The following NCKAP5 variants were observed in gnomAD, a reference collection of about 807,000 sequenced individuals.
NCKAP5 encodes the protein NCK associated protein 5, also known as nck-associated protein 5.
NCKAP5 carries 92 observed loss-of-function variants against 167.0 expected under a neutral mutation model. The ratio of observed to expected loss-of-function variants is 0.55; its 90% CI spans 0.47 to 0.66. The LOEUF is 0.66. NCKAP5 is among the 30% of genes least tolerant of loss of function. The pLI is 0.00. For synonymous variants in NCKAP5, 891 were observed against 877.4 expected, an observed-to-expected ratio of 1.02 and a Z score of -0.27; for missense variants, 2,378 against 2,315.0, an observed-to-expected ratio of 1.03 and a Z score of -0.56.
At chr2:132,934,771 G>C (rs904982652) in intron 8 of NCKAP5, among the ~76,000 whole-genome samples, 3 of 152,202 alleles carry the variant, frequency 2.0e-5, no homozygotes, top group African/African-American at 4.8e-5. Context: ...ACAAGAAGTT[G>C]TAAATGTTAC....
intron 3 of NCKAP5, among the ~76,000 whole-genome samples, chr2:133,375,854 T>C (rs570668055): frequency 6.6e-6 from 1 of 152,338 alleles, no homozygotes; most frequent in Admixed American, 6.5e-5. Flanking sequence ...CTGATGAACA[T>C]TGATGAAGCC....
intron 3 of NCKAP5, among the ~76,000 whole-genome samples, chr2:133,463,389 T>C (rs1692323828): frequency 1.3e-5 from 2 of 152,208 alleles, no homozygotes; most frequent in South Asian, 2.1e-4. Flanking sequence ...AATAGTGTTT[T>C]TGAAGAAAAA....
chr2:133,502,841 A>G (rs1282409618), intron 3 of NCKAP5, among the ~76,000 whole-genome samples: 1 of 152,250 alleles, frequency 6.6e-6, no homozygotes, highest in Non-Finnish European at 1.5e-5. Context: ...GAAAGAATGA[A>G]TGAATGAATG....
chr2:133,497,015 T>C (rs1378709268), intron 3 of NCKAP5, among the ~76,000 whole-genome samples: 2 of 152,232 alleles, frequency 1.3e-5, no homozygotes, highest in African/African-American at 4.8e-5. Context: ...GCACTTACTG[T>C]CAGCACAACC....
intron 3 of NCKAP5, among the ~76,000 whole-genome samples, chr2:133,371,889 A>G (rs1293157568): frequency 6.6e-6 from 1 of 152,060 alleles, no homozygotes; most frequent in Non-Finnish European, 1.5e-5. Flanking sequence ...ACATTTTCTA[A>G]TCAAGGATTC....
chr2:132,875,704 T>C (rs1691211085), intron 9 of NCKAP5, among the ~76,000 whole-genome samples: 1 of 152,214 alleles, frequency 6.6e-6, no homozygotes, highest in South Asian at 2.1e-4. Context: ...CACCACTAAG[T>C]GTCTGTCAAA....
chr2:133,385,515 T>G lies in NCKAP5; in HGVS notation c.70-82405A>C, dbSNP rs540744950. Among the ~76,000 whole-genome samples the G allele has an allele frequency of 2.1e-4, 32 of 152,304 alleles. 1 individual carries two copies. In the East Asian group the frequency reaches 5.6e-3, roughly 27 times the overall value. ...ATATTGGTCTAAAATTCTCTTTTTT[T>G]GTTGTGTCTCTGCCAGGCCTGGGTA... is the stretch of plus-strand genomic sequence containing the variant. On this transcript the variant is annotated intron_variant, in intron 3 of 19. Coordinates refer to ENST00000409261, the MANE Select transcript of NCKAP5 (RefSeq NM_207363.3).
intron 6 of NCKAP5, among the ~76,000 whole-genome samples, chr2:133,000,137 C>T (rs72842406): frequency 0.013 from 2,006 of 152,178 alleles, 26 homozygotes; most frequent in Non-Finnish European, 0.018. Context: ...CCTTTGATTC[C>T]CCCATGCCAT....
In NCKAP5 at chr2:133,303,119, G is replaced by A; in HGVS notation, c.70-9C>T. On this transcript the variant is annotated splice_polypyrimidine_tract_variant and intron_variant, in intron 3 of 19. Transcript: ENST00000409261. The stretch of plus-strand genomic sequence containing the variant: ...TTGGAGTCCATGTATTCCTGCACAA[G>A]CAGACAAAGACAGATGAAAACTCAC... 1 of 1,573,512 alleles carries A rather than the reference G, an allele frequency of 6.4e-7. No individual in the cohort carries two copies. The highest frequency in any genetic ancestry group is 8.6e-7 in the Non-Finnish European group (1 of 1,157,368).
intron 3 of NCKAP5, among the ~76,000 whole-genome samples, chr2:133,375,476 AT>A (rs1325547503): frequency 7.0e-4 from 106 of 152,300 alleles, no homozygotes; most frequent in Middle Eastern, 3.4e-3. Context: ...TGAAGGATGT[AT>A]AGGTTTGTTA....
intron 3 of NCKAP5, among the ~76,000 whole-genome samples, chr2:133,506,399 C>T (rs1418216381): frequency 6.6e-6 from 1 of 152,188 alleles, no homozygotes; most frequent in Admixed American, 6.5e-5. Context: ...CTCGTTTGGC[C>T]TCTCCAAATC....
At chr2:133,193,008 A>G (rs1045260746) in intron 5 of NCKAP5, among the ~76,000 whole-genome samples, 1 of 152,156 alleles carries the variant, frequency 6.6e-6, no homozygotes, top group African/African-American at 2.4e-5. Context: ...ATGTCTTTCA[A>G]TAAGTAAATG....
intron 4 of NCKAP5, among the ~76,000 whole-genome samples, chr2:133,223,240 T>C (rs1268203681): frequency 6.6e-6 from 1 of 152,166 alleles, no homozygotes; most frequent in African/African-American, 2.4e-5. Flanking sequence ...TACAGAGTCA[T>C]ACACTAAAAT....
chr2:133,428,632 A>T (rs1478772551), intron 3 of NCKAP5, among the ~76,000 whole-genome samples: 1 of 152,154 alleles, frequency 6.6e-6, no homozygotes, highest in Non-Finnish European at 1.5e-5. Flanking sequence ...AATTTACATA[A>T]CTCATCACGT....
At chr2:132,909,491 C>G (rs1694273426) in intron 8 of NCKAP5, among the ~76,000 whole-genome samples, 1 of 152,184 alleles carries the variant, frequency 6.6e-6, no homozygotes, top group Non-Finnish European at 1.5e-5. Flanking sequence ...CAAATTTTCC[C>G]CTTTATCAAA....
At chr2:133,558,404 T>C (rs759588283) in intron 2 of NCKAP5, among the ~76,000 whole-genome samples, 2 of 151,628 alleles carry the variant, frequency 1.3e-5, no homozygotes, top group Non-Finnish European at 2.9e-5. Context: ...GCAAATGGTG[T>C]AGAGGGAAGA....
At chr2:132,705,887 T>C (rs1160334570) in intron 19 of NCKAP5, among the ~76,000 whole-genome samples, 1 of 152,184 alleles carries the variant, frequency 6.6e-6, no homozygotes, top group Admixed American at 6.5e-5. Flanking sequence ...GATTAGAATC[T>C]AGGCCTTTTT....
chr2:133,247,061 T>C (rs2088037256), intron 4 of NCKAP5, among the ~76,000 whole-genome samples: 1 of 152,226 alleles, frequency 6.6e-6, no homozygotes, highest in Non-Finnish European at 1.5e-5. Flanking sequence ...GCCTTGCAAA[T>C]AGAATCATTT....
At chr2:133,396,756 G>A (rs1687754791) in intron 3 of NCKAP5, among the ~76,000 whole-genome samples, 2 of 152,090 alleles carry the variant, frequency 1.3e-5, no homozygotes, top group African/African-American at 4.8e-5. Flanking sequence ...TTAGGGGTTA[G>A]GATTTTAACA....
Sources: allele counts gnomAD v4.1 joint callset (sites outside exome capture counted in the v4.1 genomes callset), GRCh38; gene constraint gnomAD v4.1.1; transcripts MANE v1.5; gene names NCBI Gene and HGNC (gene_info 2026-07-23, HGNC 2026-07-21).